ASTN2: variants seen among roughly 807,000 people sequenced by gnomAD.
ASTN2 encodes astrotactin-2.
A neutral mutation model predicts 139.8 loss-of-function variants in ASTN2; 54 were observed. That is an observed-to-expected ratio of 0.39 (90% confidence interval 0.31 to 0.48). The LOEUF (loss-of-function observed/expected upper bound fraction) is 0.48, where lower values mean the gene tolerates loss of function less well. ASTN2 is among the 20% of genes least tolerant of loss of function. The pLI is 0.95. For synonymous variants in ASTN2, 756 were observed against 719.5 expected (o/e 1.05, Z -0.81); for missense variants, 1,565 against 1,725.1 (o/e 0.91, Z 1.64).
At chr9:116,989,632 G>A (rs1053696316) in intron 7 of ASTN2, among the ~76,000 whole-genome samples, 1 of 134,254 alleles carries the variant, frequency 7.4e-6, no homozygotes, top group Non-Finnish European at 1.6e-5. Flanking sequence ...CACCCAGATT[G>A]GAATGCAATT....
intron 19 of ASTN2, among the ~76,000 whole-genome samples, chr9:116,578,268 A>C (rs1171982075): frequency 6.6e-6 from 1 of 152,106 alleles, no homozygotes; most frequent in African/African-American, 2.4e-5. Flanking sequence ...GATTGACTGA[A>C]AAATTGAGTC....
chr9:117,066,417 A>G (rs1827946097), intron 5 of ASTN2, among the ~76,000 whole-genome samples: 1 of 147,902 alleles, frequency 6.8e-6, no homozygotes, highest in Non-Finnish European at 1.5e-5. Context: ...CCAGTCTATC[A>G]TTGTTGGACA....
intron 5 of ASTN2, among the ~76,000 whole-genome samples, chr9:117,093,230 C>G (rs1167583502): frequency 1.3e-5 from 2 of 152,176 alleles, no homozygotes; most frequent in Non-Finnish European, 2.9e-5. Flanking sequence ...GACTCCCTTC[C>G]TGTCCCCATA....
intron 3 of ASTN2, among the ~76,000 whole-genome samples, chr9:117,175,520 C>A (rs1194959601): frequency 6.6e-6 from 1 of 152,074 alleles, no homozygotes; most frequent in Non-Finnish European, 1.5e-5. Flanking sequence ...GAGTCCTGCC[C>A]TTTCTGATAC....
chr9:116,580,191 A>G (rs1853893935), intron 19 of ASTN2, among the ~76,000 whole-genome samples: 1 of 152,218 alleles, frequency 6.6e-6, no homozygotes, highest in South Asian at 2.1e-4. Flanking sequence ...ATTTTGGGAC[A>G]TTAGCAGCTC....
intron 12 of ASTN2, among the ~76,000 whole-genome samples, chr9:116,818,691 CACAT>C (rs1288925585): frequency 6.6e-6 from 1 of 152,160 alleles, no homozygotes; most frequent in Admixed American, 6.5e-5. Flanking sequence ...ATTTAACAAA[CACAT>C]ACAGTGCTAA....
chr9:116,580,011 G>A (rs919693905), intron 19 of ASTN2, among the ~76,000 whole-genome samples: 4 of 152,040 alleles, frequency 2.6e-5, no homozygotes, highest in South Asian at 2.1e-4. Flanking sequence ...TAGTAGAGAC[G>A]GGATTTCACC....
At chr9:116,599,929 T>A (rs1854786886) in intron 19 of ASTN2, among the ~76,000 whole-genome samples, 1 of 152,134 alleles carries the variant, frequency 6.6e-6, no homozygotes, top group Admixed American at 6.5e-5. Flanking sequence ...TCCGTCTAAG[T>A]GGACAACAGA....
Position 117,410,208 on chromosome 9 carries a change from C to A in ASTN2, c.442+4289G>T, listed in dbSNP as rs188235291. On this transcript the variant is annotated intron_variant, in intron 1 of 22. Transcript: ENST00000313400. ...GCAGGTAGTAAACAGTCTTGCCTGA[C>A]CACTATCAAGCACAGCAAGAAGGAT... is the stretch of plus-strand genomic sequence containing the variant. 3.3e-5 allele frequency among the ~76,000 whole-genome samples: 5 copies of A among 152,256 alleles called. No homozygotes were observed. The East Asian group carries it at 9.7e-4, about 29-fold the overall frequency.
chr9:116,473,453 G>A (rs985229984), intron 20 of ASTN2, among the ~76,000 whole-genome samples: 8 of 152,170 alleles, frequency 5.3e-5, no homozygotes, highest in African/African-American at 1.9e-4. Context: ...GTCAGATGAT[G>A]GGGGAAAACA....
At chr9:117,003,761 G>A (rs1837263616) in intron 7 of ASTN2, among the ~76,000 whole-genome samples, 1 of 151,546 alleles carries the variant, frequency 6.6e-6, no homozygotes, top group African/African-American at 2.4e-5. Flanking sequence ...TGTCTACTGG[G>A]CTTCACAGAT....
At chr9:116,566,866 C>T (rs1853258855) in intron 19 of ASTN2, among the ~76,000 whole-genome samples, 1 of 152,210 alleles carries the variant, frequency 6.6e-6, no homozygotes. Flanking sequence ...CCTTCCTTCC[C>T]ACTCTCCTTC....
At chr9:116,477,994 A>C (rs1849043402) in intron 20 of ASTN2, among the ~76,000 whole-genome samples, 1 of 151,058 alleles carries the variant, frequency 6.6e-6, no homozygotes, top group Admixed American at 6.6e-5. Context: ...AACAGAGGGC[A>C]GAGGGGGAAA....
At chr9:116,896,263 G>T (rs189346715) in intron 10 of ASTN2, among the ~76,000 whole-genome samples, 9 of 152,170 alleles carry the variant, frequency 5.9e-5, no homozygotes, top group African/African-American at 1.9e-4. Context: ...AGCAAACAAG[G>T]GTGTATGTAT....
In ASTN2 at chr9:116,916,500, C is replaced by T. The variant is rs545331602; in HGVS notation, c.1890-52767G>A. ...AAAATTTTAAATTCAAGTCTTTGGC[C>T]GTCTGACACCAACACCTGGACCCTT... On this transcript the variant is annotated intron_variant, in intron 10 of 22. Coordinates refer to ENST00000313400, the MANE Select transcript of ASTN2 (RefSeq NM_001365068.1). Among the ~76,000 whole-genome samples the T allele has an allele frequency of 1.1e-3, 163 of 152,244 alleles. 1 individual carries two copies. Among genetic ancestry groups the T allele is most frequent in the African/African-American group, 3.7e-3 (155 of 41,540 alleles).
chr9:116,681,574 C>T (rs542154273), intron 16 of ASTN2, among the ~76,000 whole-genome samples: 1 of 152,298 alleles, frequency 6.6e-6, no homozygotes, highest in East Asian at 1.9e-4. Context: ...CAAGTCAATC[C>T]TAAGCCAAAA....
intron 5 of ASTN2, among the ~76,000 whole-genome samples, chr9:117,044,214 A>C (rs1437873413): frequency 1.3e-5 from 2 of 152,214 alleles, no homozygotes; most frequent in African/African-American, 4.8e-5. Flanking sequence ...TTAGGAACTC[A>C]ATTATTCTTA....
At chr9:117,128,006 C>T (rs1278407693) in intron 4 of ASTN2, among the ~76,000 whole-genome samples, 3 of 151,862 alleles carry the variant, frequency 2.0e-5, no homozygotes, top group Non-Finnish European at 4.4e-5. Context: ...GTTTGGTGAA[C>T]AGGGAGTTAG....
At chr9:116,590,974 A>C (rs1854354948) in intron 19 of ASTN2, among the ~76,000 whole-genome samples, 1 of 152,136 alleles carries the variant, frequency 6.6e-6, no homozygotes, top group African/African-American at 2.4e-5. Context: ...TCACTCAATG[A>C]AGCTCCTCTT....
Sources: gnomAD v4.1 joint callset for allele counts (sites outside exome capture counted in the v4.1 genomes callset) on GRCh38, gnomAD v4.1.1 for gene constraint, MANE v1.5 for transcripts, NCBI Gene and HGNC (gene_info 2026-07-23, HGNC 2026-07-21) for gene names.